Variants in CIAO3 observed in about 807,000 individuals in gnomAD.
The protein encoded by CIAO3 is LET1 like/JFP15.
A neutral mutation model predicts 51.5 loss-of-function variants in CIAO3; 45 were observed. That is an observed-to-expected ratio of 0.87 (90% CI 0.69 to 1.12). The LOEUF (loss-of-function observed/expected upper bound fraction) is 1.12. Ranked by LOEUF, CIAO3 falls within the 50% of genes most tolerant of loss-of-function variation. The pLI is 0.00. For synonymous variants in CIAO3, 314 were observed against 269.3 expected (o/e 1.17, Z -1.63); for missense variants, 668 against 632.5 (o/e 1.06, Z -0.60).
chr16:740,678 A>G lies in CIAO3; in HGVS notation c.66+242T>C, dbSNP rs559224725. 2.0e-5 allele frequency: 11 copies of G among 539,594 alleles called. No homozygotes were observed. In the South Asian group the frequency reaches 2.4e-4, roughly 12 times the overall value. 33.4% of individuals were successfully genotyped at this position (539,594 alleles called of 1,614,324 possible). On this transcript the variant is annotated intron_variant, in intron 1 of 10. Coordinates refer to ENST00000251588, the MANE Select transcript of CIAO3 (RefSeq NM_022493.3). ...CTCCCACGCAGCCCGCCCGGACACC[A>G]TGGGGCACAGGAGCGGGTTGGGGGG...
intron 5 of CIAO3, 171 bp downstream of exon 5, chr16:734,566 G>A: frequency 7.9e-7 from 1 of 1,258,626 alleles, no homozygotes; most frequent in East Asian, 2.3e-5. Flanking sequence ...CCCACGGGAG[G>A]GCAGCCTCTT....
Position 732,015 on chromosome 16 carries a change from C to CACCA in CIAO3, c.896+285_896+286insTGGT, listed in dbSNP as rs1485223103. ...TCCCAAGTAGCTGGGATTACAGGGC[C>CACCA]TGGCATGGATTACCACCATGTCTGG... On this transcript the variant is annotated intron_variant, in intron 8 of 10. Transcript: ENST00000251588. 9.5e-6 allele frequency: 5 copies of CACCA among 527,438 alleles called. No individual in the cohort carries two copies. In the African/African-American group the frequency reaches 9.5e-5, roughly 10 times the overall value. 32.7% of individuals were successfully genotyped at this position (527,438 alleles called of 1,614,324 possible). A position where few individuals can be genotyped will look rare whatever the true frequency, so the allele number is the denominator to read the frequency against.
At position 729,792 on chromosome 16, in the gene CIAO3, C is replaced by T. The variant is rs2090138812; in HGVS notation, c.*625G>A. On this transcript the variant is annotated 3_prime_UTR_variant, in exon 11 of 11. Transcript: ENST00000251588. Reference sequence around the variant, plus strand: ...TTTTAGGAGGGGTGCGTTTATTAGACAAACGCTGGGAGACAGGCCTGGTGG... The same window carrying T: ...TTTTAGGAGGGGTGCGTTTATTAGATAAACGCTGGGAGACAGGCCTGGTGG... The T allele has an allele frequency of 2.6e-6, 3 of 1,140,292 alleles. No individual in the cohort carries two copies. The highest frequency in any genetic ancestry group is 3.5e-6 in the Non-Finnish European group (3 of 864,770). 70.6% of individuals were successfully genotyped at this position (1,140,292 alleles called of 1,614,324 possible).
intron 7 of CIAO3, 100 bp downstream of exon 7, chr16:733,198 G>C: frequency 6.8e-7 from 1 of 1,471,486 alleles, no homozygotes; most frequent in Non-Finnish European, 9.2e-7. Context: ...TCCAGCCAGG[G>C]CCCCCACAGG....
At position 731,579 on chromosome 16, in the gene CIAO3, G is replaced by GGTA; in HGVS notation, c.1017_1019dup (p.Thr340dup). ...ATCCCACTGACCTCAGGGGTTTGTA[G>GGTA]GTAACCTCAGCCACATGGATTCCAA... On this transcript the variant is annotated inframe_insertion, in exon 9 of 11. Coordinates refer to ENST00000251588, the MANE Select transcript of CIAO3 (RefSeq NM_022493.3). 1.9e-6 allele frequency: 3 copies of GGTA among 1,567,436 alleles called. No homozygotes were observed. Among genetic ancestry groups the GGTA allele is most frequent in the Non-Finnish European group, 2.6e-6 (3 of 1,156,692 alleles).
At position 731,506 on chromosome 16, in the gene CIAO3, C is replaced by T. The variant is rs914900436; in HGVS notation, c.1034+59G>A. On this transcript the variant is annotated intron_variant, in intron 9 of 10. Coordinates refer to ENST00000251588, the MANE Select transcript of CIAO3 (RefSeq NM_022493.3). Reference sequence around the variant, plus strand: ...GAGGACCCCAGGGGAGGCAGCAGCCCGAGGAAGGCTGGGGGCTGTGTGGCC... The same window carrying T: ...GAGGACCCCAGGGGAGGCAGCAGCCTGAGGAAGGCTGGGGGCTGTGTGGCC... 28 of 1,482,520 alleles carry T rather than the reference C, an allele frequency of 1.9e-5. No individual in the cohort carries two copies. In the East Asian group the frequency reaches 2.3e-4, roughly 12 times the overall value. 91.8% of individuals were successfully genotyped at this position (1,482,520 alleles called of 1,614,324 possible). A position where few individuals can be genotyped will look rare whatever the true frequency, so the allele number is the denominator to read the frequency against.
intron 4 of CIAO3, chr16:735,281 C>T: frequency 5.6e-6 from 1 of 178,082 alleles, no homozygotes. Context: ...GCAGACCTAC[C>T]ATAGTGGCCA....
intron 9 of CIAO3, 174 bp from the exon 10 acceptor site, chr16:731,174 C>T: frequency 1.2e-6 from 1 of 840,936 alleles, no homozygotes. Context: ...AGGCTCACTT[C>T]CTTGAGTCCA....
chr16:729,833 A>ATGAT lies in CIAO3; in HGVS notation c.*580_*583dup. On this transcript the variant is annotated 3_prime_UTR_variant, in exon 11 of 11. Coordinates refer to ENST00000251588, the MANE Select transcript of CIAO3 (RefSeq NM_022493.3). The stretch of plus-strand genomic sequence containing the variant: ...GGCCTGGTGGGGACCTGGCTGGGGG[A>ATGAT]TGATGCAGCCCGCGATGGCTGCTGC... 1 of 710,450 alleles carries ATGAT rather than the reference A, an allele frequency of 1.4e-6. No individual in the cohort carries two copies. 44.0% of individuals were successfully genotyped at this position (710,450 alleles called of 1,614,324 possible).
At chr16:733,858 C>T (rs370892085) in intron 6 of CIAO3, 49 of 370,904 alleles carry the variant, frequency 1.3e-4, no homozygotes, top group South Asian at 1.0e-3. Context: ...CGCCCTCTCC[C>T]GCCCCCTGCT....
In CIAO3 at chr16:740,957, T is replaced by C. The variant is rs1360760105; in HGVS notation, c.29A>G (p.Gln10Arg). 3 of 1,518,600 alleles carry C rather than the reference T, an allele frequency of 2.0e-6. No individual in the cohort carries two copies. The highest frequency in any genetic ancestry group is 2.6e-6 in the Non-Finnish European group (3 of 1,136,958). 94.1% of individuals were successfully genotyped at this position (1,518,600 alleles called of 1,614,324 possible). Residue 10 changes from glutamine to arginine, a missense_variant, in exon 1 of 11, where the codon CAG becomes CGG. By Grantham distance (43) the Gln-to-Arg change is conservative. Coordinates refer to ENST00000251588, the MANE Select transcript of CIAO3 (RefSeq NM_022493.3). MASPFSGAL[Q>R]LTDLDDFIGP... is the part of the protein sequence containing the mutation. Reference sequence around the variant, plus strand: ...GATGAAGTCATCCAGGTCCGTCAGCTGCAGCGCCCCGCTGAAGGGCGACGC... The same window carrying C: ...GATGAAGTCATCCAGGTCCGTCAGCCGCAGCGCCCCGCTGAAGGGCGACGC...
chr16:731,696 G>A lies in CIAO3; in HGVS notation c.903C>T (p.Ser301=), dbSNP rs568034036. 2.9e-5 allele frequency: 45 copies of A among 1,552,658 alleles called. No individual in the cohort carries two copies. Among genetic ancestry groups the A allele is most frequent in the East Asian group, 7.2e-5 (3 of 41,908 alleles). The change falls in exon 9 of 11, where the codon AGC becomes AGT. Residue 301 remains serine (S), a synonymous_variant. Coordinates refer to ENST00000251588, the MANE Select transcript of CIAO3 (RefSeq NM_022493.3). ...TGGTGGGCTCCTCTGCAGAGGCACC[G>A]CTGCACCTGGCAAGGAGGGAGGGGC... The part of the protein sequence containing the change: ...LEPAPLDSLC[S]GASAEEPTSH...
At chr16:734,973 G>C (rs753605071) in intron 4 of CIAO3, 102 bp from the exon 5 acceptor site, 13 of 1,396,630 alleles carry the variant, frequency 9.3e-6, no homozygotes, top group South Asian at 1.5e-5. Flanking sequence ...CACGTGTGTC[G>C]CACCTGCTTG....
Position 737,395 on chromosome 16 carries a change from G to A in CIAO3, c.163-66C>T. 1 of 1,602,492 alleles carries A rather than the reference G, an allele frequency of 6.2e-7. No homozygotes were observed. The stretch of plus-strand genomic sequence containing the variant: ...CACGAGGACATGGAGACAGAGGATA[G>A]TGGAGTCCAGCTCATAACCGACAAC... On this transcript the variant is annotated intron_variant, in intron 2 of 10. Coordinates refer to ENST00000251588, the MANE Select transcript of CIAO3 (RefSeq NM_022493.3). The surrounding 1 kb of genome is among the most constrained non-coding windows in gnomAD (Gnocchi z 5.3).
chr16:739,113 C>T (rs1243776604), intron 2 of CIAO3, among the ~76,000 whole-genome samples: 3 of 151,094 alleles, frequency 2.0e-5, no homozygotes, highest in African/African-American at 7.3e-5. Flanking sequence ...CTGGCTAACA[C>T]GGTGAAACCC....
Position 730,392 on chromosome 16 carries a change from C to T in CIAO3, c.*25G>A. On this transcript the variant is annotated 3_prime_UTR_variant, in exon 11 of 11. Transcript: ENST00000251588. ...CTGCTGTCACACATGGACACGGCCT[C>T]CTGGGAGTCCTGGTCCTGCAGCCCC... 5.0e-6 allele frequency: 8 copies of T among 1,592,622 alleles called. No individual in the cohort carries two copies. Among genetic ancestry groups the T allele is most frequent in the Non-Finnish European group, 6.8e-6 (8 of 1,174,158 alleles).
Position 732,615 on chromosome 16 carries a change from C to T in CIAO3, c.824-242G>A, listed in dbSNP as rs1264256001. ...GCCACTCTGCTCACCCAGTGTCCAT[C>T]TGTCCATCCTCTTAGGCAGTCTGCT... On this transcript the variant is annotated intron_variant, in intron 7 of 10. Coordinates refer to ENST00000251588, the MANE Select transcript of CIAO3 (RefSeq NM_022493.3). The T allele has an allele frequency of 1.6e-5, 10 of 627,764 alleles. No individual in the cohort carries two copies. The Admixed American group carries it at 2.2e-4, about 14-fold the overall frequency. 38.9% of individuals were successfully genotyped at this position (627,764 alleles called of 1,614,324 possible).
At chr16:732,506 G>T in intron 7 of CIAO3, 133 bp from the exon 8 acceptor site, 2 of 1,018,726 alleles carry the variant, frequency 2.0e-6, no homozygotes, top group Non-Finnish European at 3.0e-6. Flanking sequence ...ACCCTAGCCC[G>T]TGGTGGGGAG....
At position 737,481 on chromosome 16, in the gene CIAO3, C is replaced by G; in HGVS notation, c.163-152G>C. 1.3e-6 allele frequency: 2 copies of G among 1,520,472 alleles called. No homozygotes were observed. Among genetic ancestry groups the G allele is most frequent in the Admixed American group, 2.0e-5 (1 of 48,938 alleles). 94.2% of individuals were successfully genotyped at this position (1,520,472 alleles called of 1,614,324 possible). A position where few individuals can be genotyped will look rare whatever the true frequency, so the allele number is the denominator to read the frequency against. On this transcript the variant is annotated intron_variant, in intron 2 of 10. Coordinates refer to ENST00000251588, the MANE Select transcript of CIAO3 (RefSeq NM_022493.3). The surrounding 1 kb of genome is among the most constrained non-coding windows in gnomAD (Gnocchi z 5.3). ...ATTTTTAAAAATTAGGTATGTATTA[C>G]AAAAATGCACACGCACGCTCTACAG...
Sources: gnomAD v4.1 joint callset for allele counts (sites outside exome capture counted in the v4.1 genomes callset) on GRCh38, gnomAD v4.1.1 for gene constraint, Gnocchi (gnomAD v3.1) non-coding constraint, MANE v1.5 for transcripts, NCBI Gene and HGNC (gene_info 2026-07-23, HGNC 2026-07-21) for gene names.